The following MGAT4C variants were observed in gnomAD, a reference collection of about 807,000 sequenced individuals.
MGAT4C encodes alpha-1,3-mannosyl-glycoprotein 4-beta-N-acetylglucosaminyltransferase C.
A neutral mutation model predicts 40.1 loss-of-function variants in MGAT4C; 19 were observed. That is an observed-to-expected ratio of 0.47 (90% CI 0.33 to 0.70). The LOEUF is 0.70. Ranked by LOEUF, MGAT4C falls within the 30% of genes least tolerant of loss-of-function variation. The pLI is 0.02. For synonymous variants in MGAT4C, 181 were observed against 187.1 expected (o/e 0.97, Z 0.27); for missense variants, 491 against 563.2 (o/e 0.87, Z 1.30).
intron 2 of MGAT4C, among the ~76,000 whole-genome samples, chr12:86,719,855 G>A (rs1156342458): frequency 6.6e-6 from 1 of 152,158 alleles, no homozygotes; most frequent in Admixed American, 6.5e-5. Context: ...TCTCAAGGAT[G>A]TTGTGGGGAA....
chr12:86,543,619 T>G (rs1959179057), intron 2 of MGAT4C, among the ~76,000 whole-genome samples: 3 of 152,170 alleles, frequency 2.0e-5, no homozygotes, highest in Admixed American at 1.3e-4. Flanking sequence ...TCTTTATTTT[T>G]CAGAATAGAA....
At chr12:85,989,579 A>G (rs779483554) in intron 2 of MGAT4C, 27 bp from the exon 3 acceptor site, 2 of 1,554,262 alleles carry the variant, frequency 1.3e-6, no homozygotes, top group South Asian at 2.5e-5. Context: ...CAGAATTACT[A>G]GCAGTTGGTT....
chr12:86,053,940 T>A (rs1370148307), intron 1 of MGAT4C, among the ~76,000 whole-genome samples: 2 of 151,712 alleles, frequency 1.3e-5, no homozygotes, highest in South Asian at 4.1e-4. Context: ...AGATGAAAAA[T>A]AAGTGTTAGG....
In MGAT4C at chr12:85,956,113, A is replaced by G. The variant is rs1592571431; in HGVS notation, c.*23176T>C. 1 of 152,362 alleles carries G rather than the reference A, an allele frequency of 6.6e-6. No homozygotes were observed. Among genetic ancestry groups the G allele is most frequent in the Middle Eastern group, 3.4e-3 (1 of 294 alleles). 9.4% of individuals were successfully genotyped at this position (152,362 alleles called of 1,614,324 possible). On this transcript the variant is annotated 3_prime_UTR_variant, in exon 5 of 5. Transcript: ENST00000611864. Reference sequence around the variant, plus strand: ...AATCACTCTTTCAATAACAAAAGATATATTTGTATGGTAGCTAGTTTAATT... The same window carrying G: ...AATCACTCTTTCAATAACAAAAGATGTATTTGTATGGTAGCTAGTTTAATT...
At chr12:86,617,935 T>C (rs1392926958) in intron 2 of MGAT4C, among the ~76,000 whole-genome samples, 3 of 152,096 alleles carry the variant, frequency 2.0e-5, no homozygotes, top group Non-Finnish European at 4.4e-5. Flanking sequence ...AACTATTCAT[T>C]TGGCAAAGAA....
intron 1 of MGAT4C, among the ~76,000 whole-genome samples, chr12:86,227,902 C>A (rs79483020): frequency 0.045 from 6,901 of 151,872 alleles, 193 homozygotes; most frequent in African/African-American, 0.072. Context: ...GATTCTTTCC[C>A]CATTTTAATA....
intron 1 of MGAT4C, among the ~76,000 whole-genome samples, chr12:86,190,481 T>C (rs751665553): frequency 3.3e-5 from 5 of 152,136 alleles, no homozygotes; most frequent in Non-Finnish European, 4.4e-5. Flanking sequence ...CATCAGATCA[T>C]ACATCATTCC....
At chr12:86,443,614 G>A (rs1565766891) in intron 2 of MGAT4C, among the ~76,000 whole-genome samples, 1 of 152,106 alleles carries the variant, frequency 6.6e-6, no homozygotes, top group Non-Finnish European at 1.5e-5. Flanking sequence ...GTTTGTTTGA[G>A]ACGGAGTCTC....
At chr12:86,500,788 G>A (rs564669110) in intron 2 of MGAT4C, among the ~76,000 whole-genome samples, 1 of 151,946 alleles carries the variant, frequency 6.6e-6, no homozygotes, top group East Asian at 1.9e-4. Flanking sequence ...AAAATTACAG[G>A]TCAGAATTTT....
At chr12:86,627,094 T>G (rs572995322) in intron 2 of MGAT4C, among the ~76,000 whole-genome samples, 1 of 152,334 alleles carries the variant, frequency 6.6e-6, no homozygotes, top group South Asian at 2.1e-4. Flanking sequence ...GCTGGTCCCA[T>G]GCCCACAGAG....
chr12:86,607,851 G>C (rs1962098321), intron 2 of MGAT4C, among the ~76,000 whole-genome samples: 1 of 151,998 alleles, frequency 6.6e-6, no homozygotes, highest in African/African-American at 2.4e-5. Flanking sequence ...CGGGGTGCAG[G>C]GTTGGGGGAG....
rs865952628 is a variant in MGAT4C, at chr12:86,635,315, T to A, written c.-229+91894A>T. Among the ~76,000 whole-genome samples, 6 of 152,184 alleles carry A rather than the reference T, an allele frequency of 3.9e-5. No individual in the cohort carries two copies. The South Asian group carries it at 1.2e-3, about 32-fold the overall frequency. The stretch of plus-strand genomic sequence containing the variant: ...TGGTTGCTGGGGTAAGAAAAGTTAA[T>A]TAAACCTGTGACCATTCTCAAACAA... On this transcript the variant is annotated intron_variant, in intron 2 of 7. Coordinates refer to the MGAT4C transcript ENST00000548651.
chr12:86,581,452 A>G (rs2136434102), intron 2 of MGAT4C, among the ~76,000 whole-genome samples: 1 of 151,522 alleles, frequency 6.6e-6, no homozygotes. Context: ...GCTGCTAGGG[A>G]TGGTACTGTT....
chr12:86,580,801 G>C (rs1960750731), intron 2 of MGAT4C, among the ~76,000 whole-genome samples: 1 of 151,376 alleles, frequency 6.6e-6, no homozygotes, highest in Admixed American at 6.6e-5. Context: ...AAACATACAT[G>C]AAGGTAAAGT....
At chr12:86,449,748 C>T (rs1565771238) in intron 2 of MGAT4C, among the ~76,000 whole-genome samples, 1 of 152,068 alleles carries the variant, frequency 6.6e-6, no homozygotes, top group East Asian at 1.9e-4. Context: ...ATGTAGTAGC[C>T]ATTTGAGCAT....
At chr12:86,755,783 A>G (rs1951294761) in intron 1 of MGAT4C, among the ~76,000 whole-genome samples, 2 of 151,808 alleles carry the variant, frequency 1.3e-5, no homozygotes, top group South Asian at 4.2e-4. Context: ...AGTAGCTGGG[A>G]CTAAGTGCAT....
intron 1 of MGAT4C, among the ~76,000 whole-genome samples, chr12:86,806,676 C>T (rs751528389): frequency 6.6e-6 from 1 of 151,960 alleles, no homozygotes; most frequent in Non-Finnish European, 1.5e-5. Context: ...TAACCTGTTT[C>T]CATTTCTAAA....
At chr12:86,203,684 G>GT (rs1450969546) in intron 1 of MGAT4C, among the ~76,000 whole-genome samples, 4 of 152,044 alleles carry the variant, frequency 2.6e-5, no homozygotes, top group Non-Finnish European at 4.4e-5. Context: ...ATAGCCGGGC[G>GT]TGGTGGCTCA....
intron 2 of MGAT4C, among the ~76,000 whole-genome samples, chr12:86,648,819 A>G (rs1593077977): frequency 6.6e-6 from 1 of 151,976 alleles, no homozygotes; most frequent in East Asian, 1.9e-4. Flanking sequence ...TAATTGTTAG[A>G]CTAGTTTTGG....
Sources: allele counts gnomAD v4.1 joint callset (sites outside exome capture counted in the v4.1 genomes callset), GRCh38; gene constraint gnomAD v4.1.1; transcripts MANE v1.5; gene names NCBI Gene and HGNC (gene_info 2026-07-23, HGNC 2026-07-21).